The following CFAP69 variants were observed in gnomAD, a reference collection of about 807,000 sequenced individuals.
CFAP69 encodes the protein cilia and flagella associated protein 69, also known as cilia- and flagella-associated protein 69.
A neutral mutation model predicts 123.0 loss-of-function variants in CFAP69; 92 were observed. That is an observed-to-expected ratio of 0.75 (90% CI 0.63 to 0.89). The LOEUF is 0.89. Ranked by LOEUF, CFAP69 falls within the 40% of genes least tolerant of loss-of-function variation. The pLI is 0.00. For synonymous variants in CFAP69, 380 were observed against 364.3 expected, an observed-to-expected ratio of 1.04 and a Z score of -0.49; for missense variants, 1,067 against 1,096.9, an observed-to-expected ratio of 0.97 and a Z score of 0.39.
At chr7:90,269,742 C>A (rs1799684823) in intron 6 of CFAP69, among the ~76,000 whole-genome samples, 1 of 152,064 alleles carries the variant, frequency 6.6e-6, no homozygotes, top group African/African-American at 2.4e-5. Context: ...GCAGACATAT[C>A]TTAAGATCAG....
In CFAP69 at chr7:90,288,328, T is replaced by C. The variant is rs748023679; in HGVS notation, c.1751T>C (p.Leu584Pro). 1 of 1,611,066 alleles carries C rather than the reference T, an allele frequency of 6.2e-7. No homozygotes were observed. The highest frequency in any genetic ancestry group is 8.5e-7 in the Non-Finnish European group (1 of 1,177,946). The change falls in exon 15 of 23, where the codon CTT becomes CCT. Residue 584 changes from leucine to proline, a missense_variant. Coordinates refer to ENST00000389297, the MANE Select transcript of CFAP69 (RefSeq NM_001039706.3). ...AGTGGCTTAGGCTATAATGTACTTCTTTTTAGTACATTGGACAGCATTTGG... is the reference window on the plus strand; with the variant it reads ...AGTGGCTTAGGCTATAATGTACTTCCTTTTAGTACATTGGACAGCATTTGG... ...LQSGLGYNVL[L>P]FSTLDSIWCC...
intron 1 of CFAP69, among the ~76,000 whole-genome samples, chr7:90,249,740 A>C (rs779254374): frequency 9.9e-5 from 15 of 152,182 alleles, no homozygotes; most frequent in Non-Finnish European, 1.5e-4. Flanking sequence ...TGGGGATCTT[A>C]TTAAAATGTG....
the CFAP69 span, among the ~76,000 whole-genome samples, chr7:90,321,602 TA>T: frequency 6.6e-6 from 1 of 152,176 alleles, no homozygotes. Context: ...ATACCCAAGT[TA>T]TCTTCTCCCT....
chr7:90,292,635 G>A (rs1031753097), intron 15 of CFAP69, among the ~76,000 whole-genome samples: 1 of 152,136 alleles, frequency 6.6e-6, no homozygotes, highest in Non-Finnish European at 1.5e-5. Context: ...TCCAAATTTT[G>A]TTCACACGAG....
intron 13 of CFAP69, among the ~76,000 whole-genome samples, chr7:90,285,759 A>T (rs1265960520): frequency 6.6e-6 from 1 of 152,216 alleles, no homozygotes; most frequent in African/African-American, 2.4e-5. Flanking sequence ...CTCATTTCCT[A>T]CCTCATGAAA....
chr7:90,271,737 G>T, intron 7 of CFAP69, 44 bp from the exon 8 acceptor site: 1 of 1,589,546 alleles, frequency 6.3e-7, no homozygotes, highest in South Asian at 1.2e-5. Flanking sequence ...GTCTAAAAAT[G>T]TCAATATTGT....
At chr7:90,321,270 G>T in the CFAP69 span, 1 of 152,048 alleles carries the variant, frequency 6.6e-6, no homozygotes, top group Non-Finnish European at 1.5e-5. Context: ...TGGAGCTGCC[G>T]GTTCTGCTGC....
At chr7:90,302,272 G>A (rs1792919229) in intron 17 of CFAP69, 1 of 152,106 alleles carries the variant, frequency 6.6e-6, no homozygotes, top group Admixed American at 6.5e-5. Flanking sequence ...TCTGTTGGTT[G>A]GCTTTTCATC....
intron 9 of CFAP69, among the ~76,000 whole-genome samples, chr7:90,274,957 T>C (rs1788369299): frequency 6.6e-6 from 1 of 152,218 alleles, no homozygotes; most frequent in Non-Finnish European, 1.5e-5. Context: ...ATTACTTTTA[T>C]GTTTGACTTT....
At chr7:90,251,247 A>C (rs1479641638) in intron 1 of CFAP69, among the ~76,000 whole-genome samples, 1 of 152,166 alleles carries the variant, frequency 6.6e-6, no homozygotes, top group Non-Finnish European at 1.5e-5. Flanking sequence ...GGGAAGCTTT[A>C]TAGTGGTAAA....
chr7:90,310,173 G>A lies in CFAP69; in HGVS notation c.2761G>A (p.Gly921Arg). Residue 921 changes from glycine to arginine, a missense_variant, in exon 23 of 23, where the codon GGA (glycine) becomes AGA (arginine). Physicochemically the swap from Gly to Arg is moderately radical, Grantham distance 125 (BLOSUM62 -2). Coordinates refer to ENST00000389297, the MANE Select transcript of CFAP69 (RefSeq NM_001039706.3). ...TCTTAAAAAACTGCCCATTCGAGGAGGAGCCTTGCAGAGGGTGAAAGCAGT... is the reference window on the plus strand; with the variant it reads ...TCTTAAAAAACTGCCCATTCGAGGAAGAGCCTTGCAGAGGGTGAAAGCAGT... ...IALKKLPIRG[G>R]ALQRVKAVKI... is the part of the protein sequence containing the mutation. The A allele has an allele frequency of 1.9e-6, 3 of 1,613,952 alleles. No homozygotes were observed. The highest frequency in any genetic ancestry group is 2.5e-6 in the Non-Finnish European group (3 of 1,179,906).
At position 90,277,203 on chromosome 7, in the gene CFAP69, T is replaced by TC. The variant is rs1788745627; in HGVS notation, c.1034-7dup. On this transcript the variant is annotated splice_polypyrimidine_tract_variant and intron_variant, in intron 10 of 22. Coordinates refer to ENST00000389297, the MANE Select transcript of CFAP69 (RefSeq NM_001039706.3). The stretch of plus-strand genomic sequence containing the variant: ...ATTTAAGCTTTCATTTTACTTTTTT[T>TC]CCCTCACAGTTAAAAGTCAAAATCT... 2.5e-6 allele frequency: 4 copies of TC among 1,582,210 alleles called. No homozygotes were observed. Among genetic ancestry groups the TC allele is most frequent in the Non-Finnish European group, 3.4e-6 (4 of 1,169,048 alleles).
chr7:90,248,974 T>C (rs1038744917), intron 1 of CFAP69, among the ~76,000 whole-genome samples: 1 of 152,230 alleles, frequency 6.6e-6, no homozygotes, highest in African/African-American at 2.4e-5. Flanking sequence ...ACATTCCAAG[T>C]GCCCCATAAA....
At chr7:90,312,114 C>T (rs1451939308), downstream of CFAP69, among the ~76,000 whole-genome samples, 3 of 152,088 alleles carry the variant, frequency 2.0e-5, no homozygotes, top group Admixed American at 6.5e-5. Context: ...TTAGTATCTC[C>T]GGAAATAAAT....
chr7:90,271,469 G>T, intron 6 of CFAP69, 57 bp from the exon 7 acceptor site: 4 of 1,495,358 alleles, frequency 2.7e-6, no homozygotes, highest in African/African-American at 1.4e-5. Flanking sequence ...TCATTCTTTT[G>T]TCTTAATGAT....
chr7:90,321,257 G>A, the CFAP69 span: 1 of 152,322 alleles, frequency 6.6e-6, no homozygotes, highest in Non-Finnish European at 1.5e-5. Flanking sequence ...GGCTCACCGC[G>A]GGTGGAGCTG....
At chr7:90,246,570 G>A (rs1297733009) in intron 1 of CFAP69, among the ~76,000 whole-genome samples, 2 of 152,238 alleles carry the variant, frequency 1.3e-5, no homozygotes, top group East Asian at 1.9e-4. Flanking sequence ...TTTGCATGAG[G>A]AGAAATAGGT....
chr7:90,273,703 C>A (rs1584409282), intron 8 of CFAP69, among the ~76,000 whole-genome samples: 1 of 152,210 alleles, frequency 6.6e-6, no homozygotes, highest in East Asian at 1.9e-4. Context: ...GGCTAGAATT[C>A]TGATATCAGG....
rs1391679368 is a variant in CFAP69 at position 90,277,130 on chromosome 7, A to G, written c.1033+9A>G. ...TGCCACCTTTAATGAAGGTAAAAAG[A>G]ATAAAACTTTAAACTTCTTATAATT... is the stretch of plus-strand genomic sequence containing the variant. On this transcript the variant is annotated intron_variant, in intron 10 of 22. Coordinates refer to ENST00000389297, the MANE Select transcript of CFAP69 (RefSeq NM_001039706.3). 6.3e-7 allele frequency: 1 copy of G among 1,578,362 alleles called. No individual in the cohort carries two copies. The highest frequency in any genetic ancestry group is 1.8e-5 in the Admixed American group (1 of 55,316).
Sources: gnomAD v4.1 joint callset for allele counts (sites outside exome capture counted in the v4.1 genomes callset) on GRCh38, gnomAD v4.1.1 for gene constraint, MANE v1.5 for transcripts, NCBI Gene and HGNC (gene_info 2026-07-23, HGNC 2026-07-21) for gene names.